Variants in LRRC40 observed in about 807,000 individuals in gnomAD.
LRRC40 encodes the protein leucine-rich repeat-containing protein 40.
A neutral mutation model predicts 72.8 loss-of-function variants in LRRC40; 76 were observed. The observed-to-expected ratio is 1.04, with a 90% CI of 0.87 to 1.26. The LOEUF is 1.26. Ranked by LOEUF, LRRC40 falls within the 50% of genes most tolerant of loss-of-function variation. The probability of loss-of-function intolerance (pLI) is 0.00; values close to 1 mark genes in which losing one functional copy is unlikely to be tolerated. For synonymous variants in LRRC40, 243 were observed against 254.2 expected, an observed-to-expected ratio of 0.96 and a Z score of 0.42; for missense variants, 684 against 698.9, an observed-to-expected ratio of 0.98 and a Z score of 0.24.
chr1:70,148,513 T>C lies in LRRC40; in HGVS notation c.1677A>G (p.Pro559=), dbSNP rs758624339. 1.2e-6 allele frequency: 2 copies of C among 1,612,770 alleles called. No homozygotes were observed. The change falls in exon 14 of 15, where the codon CCA becomes CCG. Residue 559 remains proline (P), a synonymous_variant. Coordinates refer to ENST00000370952, the MANE Select transcript of LRRC40 (RefSeq NM_017768.5). ...TTAAGTTTACACAATTACCGAGCTC[T>C]GGTGGAATTTGTAAGAGGTCATTAT... ...LQNNDLLQIP[P]ELGNCVNLRT...
In LRRC40 at chr1:70,145,910, A is replaced by T; in HGVS notation, c.1704-5T>A. 6.9e-7 allele frequency: 1 copy of T among 1,450,530 alleles called. No homozygotes were observed. Among genetic ancestry groups the T allele is most frequent in the Non-Finnish European group, 9.6e-7 (1 of 1,041,766 alleles). 89.9% of individuals were successfully genotyped at this position (1,450,530 alleles called of 1,614,324 possible). ...TTTCCATCCAGTAGTAATGTTCTAA[A>T]CAAAAGAGAGAAATTGAGAATGTAA... On this transcript the variant is annotated splice_region_variant and splice_polypyrimidine_tract_variant and intron_variant, in intron 14 of 14. Coordinates refer to ENST00000370952, the MANE Select transcript of LRRC40 (RefSeq NM_017768.5).
chr1:70,168,592 T>C (rs944461970), intron 9 of LRRC40, among the ~76,000 whole-genome samples: 1 of 152,148 alleles, frequency 6.6e-6, no homozygotes, highest in Non-Finnish European at 1.5e-5. Flanking sequence ...CAATGAAGGT[T>C]ATGGTAAAAG....
rs181475311 is a variant in LRRC40 at position 70,188,466 on chromosome 1, T to C, written c.333+626A>G. 1.8e-3 allele frequency among the ~76,000 whole-genome samples: 271 copies of C among 152,272 alleles called. 3 individuals are homozygous for C. The highest frequency in any genetic ancestry group is 6.8e-3 in the Middle Eastern group (2 of 294). On this transcript the variant is annotated intron_variant, in intron 2 of 14. Coordinates refer to ENST00000370952, the MANE Select transcript of LRRC40 (RefSeq NM_017768.5). ...AATTGTAACAATAGGCCAGGTGCAG[T>C]AGCTCACGCCTGTAATCCCAGCACT...
intron 9 of LRRC40, among the ~76,000 whole-genome samples, chr1:70,166,610 T>C (rs1231784135): frequency 6.6e-6 from 1 of 151,402 alleles, no homozygotes; most frequent in Non-Finnish European, 1.5e-5. Flanking sequence ...AGAACTAGTA[T>C]AGTGCCACAG....
At chr1:70,152,840 G>C (rs1667538906) in intron 11 of LRRC40, among the ~76,000 whole-genome samples, 1 of 152,014 alleles carries the variant, frequency 6.6e-6, no homozygotes, top group Non-Finnish European at 1.5e-5. Context: ...GCACGAAGGA[G>C]AAAAATCAAA....
intron 11 of LRRC40, among the ~76,000 whole-genome samples, chr1:70,153,463 T>A (rs924694828): frequency 1.1e-4 from 16 of 151,824 alleles, no homozygotes; most frequent in African/African-American, 3.4e-4. Context: ...CTGAAAAAGA[T>A]GTAGTAAAAG....
At position 70,182,118 on chromosome 1, in the gene LRRC40, T is replaced by C. The variant is rs574932597; in HGVS notation, c.538-909A>G. ...AAAAAGGTAAAAATACTGGATCAAA[T>C]CTTTTTTTAAAAACATACTGTTATA... is the stretch of plus-strand genomic sequence containing the variant. On this transcript the variant is annotated intron_variant, in intron 4 of 14. Transcript: ENST00000370952. Among the ~76,000 whole-genome samples the C allele has an allele frequency of 4.6e-4, 70 of 151,974 alleles. No homozygotes were observed. In the South Asian group the frequency reaches 9.3e-3, roughly 20 times the overall value.
intron 7 of LRRC40, among the ~76,000 whole-genome samples, chr1:70,174,322 A>G (rs1336509339): frequency 6.6e-6 from 1 of 152,114 alleles, no homozygotes; most frequent in African/African-American, 2.4e-5. Context: ...ACAGCTAACT[A>G]AAATATAATA....
chr1:70,182,127 A>G (rs1159406546), intron 4 of LRRC40, among the ~76,000 whole-genome samples: 1 of 152,010 alleles, frequency 6.6e-6, no homozygotes, highest in African/African-American at 2.4e-5. Context: ...ATCTTTTTTT[A>G]AAAACATACT....
Sources: gnomAD v4.1 joint callset for allele counts (sites outside exome capture counted in the v4.1 genomes callset) on GRCh38, gnomAD v4.1.1 for gene constraint, MANE v1.5 for transcripts, NCBI Gene and HGNC (gene_info 2026-07-23, HGNC 2026-07-21) for gene names.